Variants in RABGAP1L observed in about 807,000 individuals in gnomAD.
RABGAP1L encodes rab GTPase-activating protein 1-like.
In RABGAP1L, 63 loss-of-function variants were observed where a neutral mutation model predicts 137.7. The ratio of observed to expected loss-of-function variants is 0.46; its 90% confidence interval spans 0.37 to 0.56. RABGAP1L has a LOEUF of 0.56. Ranked by LOEUF, RABGAP1L falls within the 20% of genes least tolerant of loss-of-function variation. RABGAP1L has a pLI of 0.00. For missense variants in RABGAP1L, 1,095 were observed against 1,244.0 expected (o/e 0.88, Z 1.80); for synonymous variants, 431 against 433.7 (o/e 0.99, Z 0.08).
At chr1:174,688,035 C>A (rs1395046975) in intron 15 of RABGAP1L, among the ~76,000 whole-genome samples, 1 of 152,060 alleles carries the variant, frequency 6.6e-6, no homozygotes, top group African/African-American at 2.4e-5. Flanking sequence ...ACTCTTACAT[C>A]CATTTATGAA....
chr1:174,198,254 A>G (rs781637072), intron 1 of RABGAP1L, among the ~76,000 whole-genome samples: 6 of 152,180 alleles, frequency 3.9e-5, no homozygotes, highest in Non-Finnish European at 8.8e-5. Context: ...AAAATGTCCA[A>G]ATCCATAGTG....
At chr1:174,267,545 C>G (rs1277024775) in intron 7 of RABGAP1L, among the ~76,000 whole-genome samples, 1 of 152,064 alleles carries the variant, frequency 6.6e-6, no homozygotes, top group African/African-American at 2.4e-5. Context: ...TAAAGGAACT[C>G]TTGGAGATAC....
At chr1:174,784,995 G>A (rs754125565) in intron 18 of RABGAP1L, among the ~76,000 whole-genome samples, 2 of 152,138 alleles carry the variant, frequency 1.3e-5, no homozygotes, top group African/African-American at 2.4e-5. Flanking sequence ...GTATGTTTTG[G>A]GGGTGAGAAT....
At chr1:174,257,736 A>G (rs1673246333) in intron 7 of RABGAP1L, among the ~76,000 whole-genome samples, 1 of 152,230 alleles carries the variant, frequency 6.6e-6, no homozygotes, top group South Asian at 2.1e-4. Context: ...ACACGAGTAC[A>G]CATTTGTACA....
intron 11 of RABGAP1L, 110 bp from the exon 12 acceptor site, chr1:174,370,866 TATG>T (rs1685062377): frequency 4.4e-6 from 2 of 454,442 alleles, no homozygotes; most frequent in Non-Finnish European, 7.7e-6. Context: ...CATGTAATAA[TATG>T]AAGAGAAGCT....
At chr1:174,211,841 A>G (rs1157066068) in intron 1 of RABGAP1L, among the ~76,000 whole-genome samples, 1 of 152,180 alleles carries the variant, frequency 6.6e-6, no homozygotes, top group Non-Finnish European at 1.5e-5. Context: ...TACTTCTATC[A>G]GACAAAATTG....
chr1:174,566,264 A>T (rs6425287), intron 13 of RABGAP1L, among the ~76,000 whole-genome samples: 90,325 of 151,980 alleles, frequency 0.59, 29,720 homozygotes, highest in African/African-American at 0.9. Context: ...AGACGGAGAA[A>T]GATCTGGCTG....
intron 13 of RABGAP1L, among the ~76,000 whole-genome samples, chr1:174,402,277 C>T (rs1290305588): frequency 5.3e-5 from 8 of 152,078 alleles, no homozygotes; most frequent in African/African-American, 1.7e-4. Flanking sequence ...GACAACTCAT[C>T]CCTACTTTTG....
At chr1:174,816,014 T>G (rs1211994890) in intron 19 of RABGAP1L, among the ~76,000 whole-genome samples, 1 of 152,188 alleles carries the variant, frequency 6.6e-6, no homozygotes, top group Non-Finnish European at 1.5e-5. Context: ...TTTTGCCTTA[T>G]AGTTAAAAAT....
intron 18 of RABGAP1L, chr1:174,800,048 T>G (rs1250676016): frequency 8.1e-7 from 1 of 1,233,234 alleles, no homozygotes; most frequent in Non-Finnish European, 1.0e-6. Flanking sequence ...ATCTGAACTC[T>G]CCTGCATCAC....
At chr1:174,283,818 C>G (rs1675800907) in intron 10 of RABGAP1L, among the ~76,000 whole-genome samples, 1 of 152,126 alleles carries the variant, frequency 6.6e-6, no homozygotes, top group Admixed American at 6.6e-5. Flanking sequence ...TTAGGAGTTG[C>G]TGTCTTAAGA....
At chr1:174,968,669 A>T (rs376728297) in intron 20 of RABGAP1L, among the ~76,000 whole-genome samples, 1 of 152,190 alleles carries the variant, frequency 6.6e-6, no homozygotes, top group African/African-American at 2.4e-5. Context: ...AAAAAACTAG[A>T]TATCTTATGA....
At chr1:174,625,229 G>C (rs567591600) in intron 13 of RABGAP1L, among the ~76,000 whole-genome samples, 1 of 152,012 alleles carries the variant, frequency 6.6e-6, no homozygotes, top group South Asian at 2.1e-4. Flanking sequence ...TATGCTTAAT[G>C]TCTTTCTTCC....
At chr1:174,382,813 C>G (rs1326276898) in intron 12 of RABGAP1L, among the ~76,000 whole-genome samples, 1 of 151,646 alleles carries the variant, frequency 6.6e-6, no homozygotes, top group Non-Finnish European at 1.5e-5. Flanking sequence ...CTCCATCCAG[C>G]TTTGTTCCGT....
chr1:174,451,161 G>A (rs1181132713), intron 13 of RABGAP1L, among the ~76,000 whole-genome samples: 1 of 152,186 alleles, frequency 6.6e-6, no homozygotes, highest in Admixed American at 6.5e-5. Context: ...CTGTTTGCCA[G>A]TGGCATCTTG....
intron 10 of RABGAP1L, among the ~76,000 whole-genome samples, chr1:174,283,501 T>TTTTG: frequency 6.6e-6 from 1 of 151,872 alleles, no homozygotes; most frequent in East Asian, 1.9e-4. Flanking sequence ...TTGCTGTTTT[T>TTTTG]TTTGTTTGTT....
chr1:174,601,943 C>T (rs1670447299), intron 13 of RABGAP1L, among the ~76,000 whole-genome samples: 1 of 152,172 alleles, frequency 6.6e-6, no homozygotes, highest in African/African-American at 2.4e-5. Flanking sequence ...TTCCTCATCT[C>T]TACCTGAGAC....
At chr1:174,784,371 A>G (rs377540392) in intron 18 of RABGAP1L, among the ~76,000 whole-genome samples, 3 of 151,954 alleles carry the variant, frequency 2.0e-5, no homozygotes, top group South Asian at 4.2e-4. Context: ...CTTATTCTCT[A>G]TTCTTCCTTC....
At chr1:174,896,234 A>G (rs1487664439) in intron 19 of RABGAP1L, among the ~76,000 whole-genome samples, 2 of 152,180 alleles carry the variant, frequency 1.3e-5, no homozygotes, top group African/African-American at 4.8e-5. Flanking sequence ...GGCTGCATAA[A>G]TGTCTTCTTT....
Sources: gnomAD v4.1 joint callset for allele counts (sites outside exome capture counted in the v4.1 genomes callset) on GRCh38, gnomAD v4.1.1 for gene constraint, MANE v1.5 for transcripts, NCBI Gene and HGNC (gene_info 2026-07-23, HGNC 2026-07-21) for gene names.